Variants in PPFIA2 observed in about 807,000 individuals in gnomAD.
The protein encoded by PPFIA2 is liprin-alpha-2.
A neutral mutation model predicts 175.5 loss-of-function variants in PPFIA2; 46 were observed. The ratio of observed to expected loss-of-function variants is 0.26; its 90% confidence interval spans 0.21 to 0.34. PPFIA2 has a LOEUF of 0.34. PPFIA2 is among the 10% of genes least tolerant of loss of function. The probability of loss-of-function intolerance (pLI) is 1.00; values close to 1 mark genes in which losing one functional copy is unlikely to be tolerated. For synonymous variants in PPFIA2, 568 were observed against 511.4 expected (o/e 1.11, Z -1.49); for missense variants, 1,179 against 1,506.1 (o/e 0.78, Z 3.60).
intron 3 of PPFIA2, among the ~76,000 whole-genome samples, chr12:81,722,141 A>G (rs959063375): frequency 2.0e-5 from 3 of 151,016 alleles, no homozygotes; most frequent in Admixed American, 6.6e-5. Flanking sequence ...CTTCATACAG[A>G]TGATGCAATA....
intron 4 of PPFIA2, among the ~76,000 whole-genome samples, chr12:81,563,688 T>C (rs1326182221): frequency 6.6e-6 from 1 of 152,228 alleles, no homozygotes; most frequent in Non-Finnish European, 1.5e-5. Flanking sequence ...CTAATTGAAC[T>C]GCTTTACTCT....
intron 3 of PPFIA2, among the ~76,000 whole-genome samples, chr12:81,717,608 T>C (rs2078798502): frequency 1.3e-5 from 2 of 151,774 alleles, no homozygotes; most frequent in African/African-American, 2.4e-5. Flanking sequence ...CCTAAAATAG[T>C]TAGGGCCTTC....
In PPFIA2 at chr12:81,553,991, T is replaced by C. The variant is rs1442031949; in HGVS notation, c.304-96125A>G. ...GGTTTTAGTTTTAAGGGCAATGCTA[T>C]GGCAAAAAGAAATTAATTGATTTAA... is the stretch of plus-strand genomic sequence containing the variant. On this transcript the variant is annotated intron_variant, in intron 4 of 32. Transcript: ENST00000549396. 2.0e-5 allele frequency among the ~76,000 whole-genome samples: 3 copies of C among 152,162 alleles called. 1 individual carries two copies. Among genetic ancestry groups the C allele is most frequent in the Non-Finnish European group, 2.9e-5 (2 of 67,952 alleles).
At chr12:81,422,019 A>G (rs1360766732) in intron 7 of PPFIA2, among the ~76,000 whole-genome samples, 1 of 151,232 alleles carries the variant, frequency 6.6e-6, no homozygotes, top group East Asian at 1.9e-4. Context: ...TCTAGAGGCA[A>G]GAAGGTGATT....
At chr12:81,354,225 A>C (rs540575397) in intron 16 of PPFIA2, among the ~76,000 whole-genome samples, 28 of 152,302 alleles carry the variant, frequency 1.8e-4, no homozygotes, top group African/African-American at 6.5e-4. Context: ...TCTTTCTTTC[A>C]TGAAAGATTT....
chr12:81,588,543 T>C (rs1418525427), intron 4 of PPFIA2, among the ~76,000 whole-genome samples: 2 of 152,050 alleles, frequency 1.3e-5, no homozygotes, highest in East Asian at 3.9e-4. Flanking sequence ...TCCAGCTGTC[T>C]AATCAATCTG....
rs1015381127 is a variant in PPFIA2 at position 81,535,313 on chromosome 12, G to A, written c.304-77447C>T. Reference sequence around the variant, plus strand: ...TGGATTTCAAGAGGACTGGATTCAGGAAAAGAGGGTTCCGGAGTTTGGGAA... The same window carrying A: ...TGGATTTCAAGAGGACTGGATTCAGAAAAAGAGGGTTCCGGAGTTTGGGAA... On this transcript the variant is annotated intron_variant, in intron 4 of 32. Coordinates refer to ENST00000549396, the MANE Select transcript of PPFIA2 (RefSeq NM_003625.5). The A allele has an allele frequency of 6.7e-6, 3 of 445,878 alleles. No homozygotes were observed. In the Admixed American group the frequency reaches 7.2e-5, roughly 11 times the overall value. 27.6% of individuals were successfully genotyped at this position (445,878 alleles called of 1,614,324 possible). A position where few individuals can be genotyped will look rare whatever the true frequency, so the allele number is the denominator to read the frequency against.
At chr12:81,319,202 T>TA (rs1271137360) in intron 22 of PPFIA2, among the ~76,000 whole-genome samples, 2 of 151,798 alleles carry the variant, frequency 1.3e-5, no homozygotes, top group African/African-American at 4.8e-5. Flanking sequence ...ACAGCAACTC[T>TA]ATTCCTTTTG....
At chr12:81,591,515 A>T (rs925507161) in intron 4 of PPFIA2, among the ~76,000 whole-genome samples, 1 of 152,150 alleles carries the variant, frequency 6.6e-6, no homozygotes, top group African/African-American at 2.4e-5. Flanking sequence ...CTCTCATCGC[A>T]GGCCCAGAGG....
chr12:81,578,045 C>T (rs1278653375), intron 4 of PPFIA2, among the ~76,000 whole-genome samples: 11 of 151,746 alleles, frequency 7.2e-5, no homozygotes, highest in East Asian at 3.9e-4. Context: ...AAAAGTGTTT[C>T]ATTCACAGGA....
intron 7 of PPFIA2, among the ~76,000 whole-genome samples, chr12:81,414,943 G>A (rs1481417843): frequency 6.6e-6 from 1 of 150,584 alleles, no homozygotes; most frequent in East Asian, 2.0e-4. Context: ...TTCTAGCTCT[G>A]CATTTGGAAA....
At chr12:81,663,407 A>C (rs1475520154) in intron 4 of PPFIA2, among the ~76,000 whole-genome samples, 6 of 152,192 alleles carry the variant, frequency 3.9e-5, no homozygotes, top group African/African-American at 1.4e-4. Flanking sequence ...AGACAAACAG[A>C]GAGCCAAATC....
intron 4 of PPFIA2, among the ~76,000 whole-genome samples, chr12:81,664,260 G>A (rs557565488): frequency 1.3e-5 from 2 of 152,060 alleles, no homozygotes; most frequent in South Asian, 2.1e-4. Flanking sequence ...GCAACCTACA[G>A]AATGGGAGAA....
chr12:81,581,983 T>C (rs1360698722), intron 4 of PPFIA2, among the ~76,000 whole-genome samples: 2 of 151,908 alleles, frequency 1.3e-5, no homozygotes, highest in African/African-American at 4.8e-5. Flanking sequence ...GGAAATTCAA[T>C]ATTTGCATAT....
At chr12:81,408,732 A>T (rs1252902630) in intron 7 of PPFIA2, among the ~76,000 whole-genome samples, 1 of 152,230 alleles carries the variant, frequency 6.6e-6, no homozygotes, top group South Asian at 2.1e-4. Context: ...TCCAAAAATG[A>T]CATAATTTTC....
At chr12:81,418,125 A>AT (rs2045638189) in intron 7 of PPFIA2, among the ~76,000 whole-genome samples, 1 of 151,886 alleles carries the variant, frequency 6.6e-6, no homozygotes, top group Non-Finnish European at 1.5e-5. Context: ...GAAAAAGGAA[A>AT]TTGCCTATGG....
At chr12:81,697,732 G>A (rs1157027588) in intron 3 of PPFIA2, among the ~76,000 whole-genome samples, 1 of 152,002 alleles carries the variant, frequency 6.6e-6, no homozygotes, top group African/African-American at 2.4e-5. Flanking sequence ...ATTTCCTCTA[G>A]ACCAAGACTT....
At chr12:81,712,491 G>T (rs961836625) in intron 3 of PPFIA2, among the ~76,000 whole-genome samples, 2 of 151,208 alleles carry the variant, frequency 1.3e-5, no homozygotes, top group African/African-American at 4.8e-5. Flanking sequence ...ATTAAAAGCA[G>T]TGTTGCCTAA....
intron 22 of PPFIA2, among the ~76,000 whole-genome samples, chr12:81,304,870 A>G (rs1473585524): frequency 1.3e-5 from 2 of 152,086 alleles, no homozygotes; most frequent in Non-Finnish European, 2.9e-5. Context: ...AGAACATAAA[A>G]TAATTTGTAC....
Sources: gnomAD v4.1 joint callset for allele counts (sites outside exome capture counted in the v4.1 genomes callset) on GRCh38, gnomAD v4.1.1 for gene constraint, MANE v1.5 for transcripts, NCBI Gene and HGNC (gene_info 2026-07-23, HGNC 2026-07-21) for gene names.